LRBA: variants seen among roughly 807,000 people sequenced by gnomAD.
The protein encoded by LRBA is lipopolysaccharide-responsive and beige-like anchor protein.
LRBA carries 176 observed loss-of-function variants against 330.0 expected under a neutral mutation model. That is an observed-to-expected ratio of 0.53 (90% CI 0.47 to 0.60). The LOEUF is 0.60. Among genes scored for constraint, LRBA ranks in the 20% least tolerant of loss-of-function variants. The pLI is 0.00. For synonymous variants in LRBA, 1,230 were observed against 1,193.0 expected (o/e 1.03, Z -0.64); for missense variants, 3,259 against 3,444.8 (o/e 0.95, Z 1.35).
At chr4:150,636,749 G>A (rs1370416327) in intron 37 of LRBA, among the ~76,000 whole-genome samples, 2 of 152,184 alleles carry the variant, frequency 1.3e-5, no homozygotes, top group Non-Finnish European at 2.9e-5. Flanking sequence ...CTAGGCTCAA[G>A]CGATCCTTCT....
intron 34 of LRBA, among the ~76,000 whole-genome samples, chr4:150,786,081 AG>A (rs1198947946): frequency 6.6e-6 from 1 of 152,166 alleles, no homozygotes; most frequent in African/African-American, 2.4e-5. Flanking sequence ...CCAGGTTAGG[AG>A]GATGAGAAGT....
At chr4:150,610,210 T>C (rs927971342) in intron 37 of LRBA, among the ~76,000 whole-genome samples, 4 of 152,120 alleles carry the variant, frequency 2.6e-5, no homozygotes, top group South Asian at 4.1e-4. Flanking sequence ...TTGGAAACCA[T>C]TGAGGTAGCA....
At chr4:150,382,189 T>A (rs1742367287) in intron 47 of LRBA, among the ~76,000 whole-genome samples, 1 of 152,230 alleles carries the variant, frequency 6.6e-6, no homozygotes, top group Non-Finnish European at 1.5e-5. Context: ...CATTGCCTAA[T>A]CAGTGTGATT....
intron 34 of LRBA, among the ~76,000 whole-genome samples, chr4:150,774,397 C>T (rs1002740163): frequency 2.0e-5 from 3 of 152,174 alleles, no homozygotes; most frequent in Non-Finnish European, 4.4e-5. Flanking sequence ...CTTCGCTCCC[C>T]AAGGACTGGT....
chr4:150,555,826 AG>A (rs1273060901), intron 40 of LRBA, among the ~76,000 whole-genome samples: 1 of 151,654 alleles, frequency 6.6e-6, no homozygotes, highest in Non-Finnish European at 1.5e-5. Flanking sequence ...TTTTTGAGAC[AG>A]GGTCTTCCTT....
At chr4:150,423,725 T>A in intron 46 of LRBA, 1 of 187,672 alleles carries the variant, frequency 5.3e-6, no homozygotes, top group Non-Finnish European at 1.1e-5. Context: ...AGGCAGAGAT[T>A]TCTCAGCGCC....
chr4:150,487,163 T>C (rs549569104), intron 42 of LRBA, among the ~76,000 whole-genome samples: 138 of 151,744 alleles, frequency 9.1e-4, no homozygotes, highest in African/African-American at 3.1e-3. Flanking sequence ...AGTAGTGGGA[T>C]TGCAGGATCA....
intron 34 of LRBA, among the ~76,000 whole-genome samples, chr4:150,787,838 C>T (rs1225445819): frequency 2.6e-5 from 4 of 152,208 alleles, no homozygotes; most frequent in South Asian, 4.1e-4. Context: ...TCCTTCTCTA[C>T]TATCTCTGAG....
chr4:150,991,914 G>A (rs932098205), intron 2 of LRBA, among the ~76,000 whole-genome samples: 1 of 152,212 alleles, frequency 6.6e-6, no homozygotes, highest in Non-Finnish European at 1.5e-5. Context: ...CAAGGTAAAT[G>A]CTATAGTAAG....
intron 53 of LRBA, among the ~76,000 whole-genome samples, chr4:150,290,337 T>C (rs1728103504): frequency 6.6e-6 from 1 of 152,084 alleles, no homozygotes; most frequent in Non-Finnish European, 1.5e-5. Context: ...TTCTGAAAAA[T>C]ATCAAGTTAA....
At chr4:150,875,739 C>T (rs1465830673) in intron 17 of LRBA, among the ~76,000 whole-genome samples, 1 of 152,060 alleles carries the variant, frequency 6.6e-6, no homozygotes, top group East Asian at 1.9e-4. Context: ...AGAAAAAAAT[C>T]TTAAAAGCAT....
At chr4:150,559,769 ATATAT>A (rs550682959) in intron 40 of LRBA, among the ~76,000 whole-genome samples, 157 of 88,108 alleles carry the variant, frequency 1.8e-3, no homozygotes, top group African/African-American at 5.6e-3. Context: ...TATAGATTAT[ATATAT>A]TATATTATAT....
chr4:150,740,793 T>G (rs1225076907), intron 35 of LRBA, among the ~76,000 whole-genome samples: 2 of 152,080 alleles, frequency 1.3e-5, no homozygotes, highest in Non-Finnish European at 2.9e-5. Flanking sequence ...CATAATCTGA[T>G]GAGTTCAAAT....
intron 48 of LRBA, among the ~76,000 whole-genome samples, chr4:150,332,735 T>A (rs1163310210): frequency 1.3e-5 from 2 of 152,164 alleles, no homozygotes; most frequent in African/African-American, 4.8e-5. Flanking sequence ...CTGTTACTAC[T>A]TTCTATAATA....
chr4:150,328,446 C>G (rs1733575346), intron 48 of LRBA, among the ~76,000 whole-genome samples: 1 of 151,896 alleles, frequency 6.6e-6, no homozygotes, highest in Admixed American at 6.6e-5. Flanking sequence ...TGTTTTTAAG[C>G]AGCAGAAATG....
chr4:150,682,475 C>G (rs1184419991), intron 37 of LRBA, among the ~76,000 whole-genome samples: 1 of 152,086 alleles, frequency 6.6e-6, no homozygotes, highest in Non-Finnish European at 1.5e-5. Context: ...CTCTGAATAT[C>G]AAAAATTAGG....
In LRBA at chr4:150,716,037, C is replaced by T. The variant is rs1407780864; in HGVS notation, c.5754+19221G>A. ...TAGGAAATGTTCTGATGATATAGCT[C>T]GAAACAAACATCGTGTGGTGGTTAA... On this transcript the variant is annotated intron_variant, in intron 36 of 56. Coordinates refer to ENST00000651943, the MANE Select transcript of LRBA (RefSeq NM_001364905.1). Among the ~76,000 whole-genome samples, 4 of 152,098 alleles carry T rather than the reference C, an allele frequency of 2.6e-5. No homozygotes were observed. The East Asian group carries it at 5.8e-4, about 22-fold the overall frequency.
chr4:150,774,868 T>G (rs1737056995), intron 34 of LRBA, among the ~76,000 whole-genome samples: 1 of 152,146 alleles, frequency 6.6e-6, no homozygotes, highest in Non-Finnish European at 1.5e-5. Context: ...AGGTATTTGT[T>G]CACTTGATCT....
intron 2 of LRBA, among the ~76,000 whole-genome samples, chr4:150,930,044 G>A (rs1734309350): frequency 6.6e-6 from 1 of 152,122 alleles, no homozygotes; most frequent in Non-Finnish European, 1.5e-5. Context: ...GCAGGGCGTG[G>A]TGGCTCATGC....
Sources: gnomAD v4.1 joint callset for allele counts (sites outside exome capture counted in the v4.1 genomes callset) on GRCh38, gnomAD v4.1.1 for gene constraint, MANE v1.5 for transcripts, NCBI Gene and HGNC (gene_info 2026-07-23, HGNC 2026-07-21) for gene names.